The following PRELID2 variants were observed in gnomAD, a reference collection of about 807,000 sequenced individuals.
PRELID2 encodes PRELI domain-containing protein 2.
A neutral mutation model predicts 28.4 loss-of-function variants in PRELID2; 25 were observed. The observed-to-expected ratio is 0.88, with a 90% confidence interval of 0.64 to 1.23. PRELID2 has a LOEUF of 1.23. Ranked by LOEUF, PRELID2 falls within the 50% of genes most tolerant of loss-of-function variation. The pLI is 0.00. For synonymous variants in PRELID2, 76 were observed against 71.6 expected (o/e 1.06, Z -0.31); for missense variants, 201 against 214.4 (o/e 0.94, Z 0.39).
At chr5:145,663,944 C>T (rs1404940477) in intron 1 of PRELID2, among the ~76,000 whole-genome samples, 1 of 152,058 alleles carries the variant, frequency 6.6e-6, no homozygotes, top group Non-Finnish European at 1.5e-5. Context: ...TTCCTCAAGG[C>T]ATTTTCCATA....
chr5:145,572,892 G>A (rs1406288503), intron 1 of PRELID2, among the ~76,000 whole-genome samples: 2 of 152,112 alleles, frequency 1.3e-5, no homozygotes, highest in Non-Finnish European at 2.9e-5. Context: ...AACTCTTGTG[G>A]GGTATACTTT....
At chr5:145,806,301 A>G (rs1753504323) in intron 4 of PRELID2, among the ~76,000 whole-genome samples, 1 of 152,110 alleles carries the variant, frequency 6.6e-6, no homozygotes, top group Non-Finnish European at 1.5e-5. Flanking sequence ...ACTTTTTTCA[A>G]TTTTTAATTT....
chr5:145,607,555 T>G (rs542531428), intron 1 of PRELID2, among the ~76,000 whole-genome samples: 2 of 152,272 alleles, frequency 1.3e-5, no homozygotes, highest in South Asian at 4.1e-4. Flanking sequence ...TATATGGTTT[T>G]GGGAATTTTT....
chr5:145,296,314 T>A, the PRELID2 span, among the ~76,000 whole-genome samples: 1 of 151,676 alleles, frequency 6.6e-6, no homozygotes, highest in Non-Finnish European at 1.5e-5. Context: ...TAGCATTAGG[T>A]ATATCTCCTA....
chr5:145,312,692 TTC>T, the PRELID2 span, among the ~76,000 whole-genome samples: 4 of 152,208 alleles, frequency 2.6e-5, no homozygotes, highest in Admixed American at 1.3e-4. Context: ...TGGATTTTTT[TTC>T]TTTTTTTAAG....
intron 1 of PRELID2, among the ~76,000 whole-genome samples, chr5:145,601,008 A>G (rs908724166): frequency 6.6e-6 from 1 of 152,018 alleles, no homozygotes; most frequent in Non-Finnish European, 1.5e-5. Flanking sequence ...TTAAAAAAAT[A>G]AATCTGGCAT....
At chr5:145,313,662 G>A in the PRELID2 span, among the ~76,000 whole-genome samples, 2,424 of 152,278 alleles carry the variant, frequency 0.016, 57 homozygotes, top group African/African-American at 0.053. Flanking sequence ...TATCACATTC[G>A]TAGGAGGCGG....
intron 1 of PRELID2, among the ~76,000 whole-genome samples, chr5:145,607,257 C>T (rs1207669645): frequency 6.6e-6 from 1 of 152,024 alleles, no homozygotes; most frequent in Non-Finnish European, 1.5e-5. Context: ...CAGTCCAGCT[C>T]TGATTTTTGT....
chr5:145,513,595 C>T (rs1005406850), intron 1 of PRELID2, among the ~76,000 whole-genome samples: 1 of 152,054 alleles, frequency 6.6e-6, no homozygotes, highest in Admixed American at 6.6e-5. Context: ...TTCCCCAATT[C>T]CCCAACCTAG....
chr5:145,351,708 C>T, the PRELID2 span, among the ~76,000 whole-genome samples: 4 of 152,228 alleles, frequency 2.6e-5, no homozygotes, highest in African/African-American at 9.6e-5. Flanking sequence ...TCCCAGGTCT[C>T]ATCTGAGGCA....
intron 1 of PRELID2, among the ~76,000 whole-genome samples, chr5:145,615,320 T>TATAGGTGGTAGATAG (rs778219046): frequency 0.026 from 2,768 of 107,680 alleles, 308 homozygotes; most frequent in African/African-American, 0.069. Context: ...GTGAGTCTCT[T>TATAGGTGGTAGATAG]TTTTTTGTTT....
chr5:145,496,672 T>C (rs1752312491), intron 1 of PRELID2, among the ~76,000 whole-genome samples: 2 of 152,234 alleles, frequency 1.3e-5, no homozygotes, highest in African/African-American at 4.8e-5. Context: ...TTGGTCTAGC[T>C]GAGATTTTCT....
chr5:145,630,352 T>G (rs939673588), intron 1 of PRELID2, among the ~76,000 whole-genome samples: 1 of 148,640 alleles, frequency 6.7e-6, no homozygotes, highest in African/African-American at 2.6e-5. Flanking sequence ...GAAAAAGTGG[T>G]AGAAAAAAAG....
chr5:145,305,341 C>T, the PRELID2 span, among the ~76,000 whole-genome samples: 1,614 of 152,252 alleles, frequency 0.011, 22 homozygotes, highest in African/African-American at 0.036. Context: ...AGTACCTTGG[C>T]AAGTAGAAAT....
chr5:145,814,138 A>C (rs1159995994), intron 4 of PRELID2, among the ~76,000 whole-genome samples: 1 of 152,198 alleles, frequency 6.6e-6, no homozygotes, highest in Non-Finnish European at 1.5e-5. Flanking sequence ...ATAATTTTTG[A>C]AAAACACTCA....
the PRELID2 span, among the ~76,000 whole-genome samples, chr5:145,301,930 C>CTTTTTTTTTTTTTTT: frequency 4.5e-5 from 5 of 110,182 alleles, no homozygotes; most frequent in South Asian, 6.1e-4. Context: ...TTATTCATTT[C>CTTTTTTTTTTTTTTT]TTTTTTTTTT....
the PRELID2 span, among the ~76,000 whole-genome samples, chr5:145,441,552 T>G: frequency 0.024 from 3,617 of 152,226 alleles, 72 homozygotes; most frequent in Non-Finnish European, 0.031. Context: ...ATTATCATAA[T>G]TATCATAAGT....
At chr5:145,490,248 T>C (rs979624704) in intron 1 of PRELID2, among the ~76,000 whole-genome samples, 6 of 152,220 alleles carry the variant, frequency 3.9e-5, no homozygotes, top group Non-Finnish European at 8.8e-5. Context: ...TTTCCTTTTT[T>C]GTACTCTTGC....
chr5:145,615,437 C>A (rs1753683187), intron 1 of PRELID2, among the ~76,000 whole-genome samples: 1 of 140,688 alleles, frequency 7.1e-6, no homozygotes, highest in African/African-American at 2.9e-5. Flanking sequence ...CGCCATTCTC[C>A]TGCCTCAGCC....
Sources: allele counts gnomAD v4.1 joint callset (sites outside exome capture counted in the v4.1 genomes callset), GRCh38; gene constraint gnomAD v4.1.1; transcripts MANE v1.5; gene names NCBI Gene and HGNC (gene_info 2026-07-23, HGNC 2026-07-21).